TBC1D5: variants seen among roughly 807,000 people sequenced by gnomAD.
The protein encoded by TBC1D5 is TBC1 domain family, member 5.
In TBC1D5, 75 loss-of-function variants were observed where a neutral mutation model predicts 100.3. That is an observed-to-expected ratio of 0.75 (90% CI 0.62 to 0.91). The LOEUF is 0.91. TBC1D5 is among the 40% of genes least tolerant of loss of function. The pLI is 0.00. For synonymous variants in TBC1D5, 323 were observed against 325.6 expected, an observed-to-expected ratio of 0.99 and a Z score of 0.09; for missense variants, 910 against 942.4, an observed-to-expected ratio of 0.97 and a Z score of 0.45.
intron 3 of TBC1D5, among the ~76,000 whole-genome samples, chr3:17,489,258 T>A (rs2095609052): frequency 6.6e-6 from 1 of 152,130 alleles, no homozygotes; most frequent in Non-Finnish European, 1.5e-5. Flanking sequence ...TACCTAATTT[T>A]CTACTACTGC....
intron 1 of TBC1D5, among the ~76,000 whole-genome samples, chr3:17,706,797 A>C (rs936887282): frequency 6.6e-6 from 1 of 151,922 alleles, no homozygotes; most frequent in Non-Finnish European, 1.5e-5. Context: ...AGCCATTCTC[A>C]TAATTTGTAT....
chr3:17,701,477 A>G (rs2073192391), intron 1 of TBC1D5, among the ~76,000 whole-genome samples: 1 of 152,130 alleles, frequency 6.6e-6, no homozygotes, highest in African/African-American at 2.4e-5. Context: ...AAGTATAATA[A>G]TAATAAAAAA....
At chr3:17,604,908 T>G (rs1196921781) in intron 2 of TBC1D5, among the ~76,000 whole-genome samples, 1 of 152,186 alleles carries the variant, frequency 6.6e-6, no homozygotes, top group Non-Finnish European at 1.5e-5. Context: ...ACTCCGGGCC[T>G]CAAGCGATCC....
At position 17,297,582 on chromosome 3, in the gene TBC1D5, A is replaced by G. The variant is rs564719408; in HGVS notation, c.1139-5581T>C. Among the ~76,000 whole-genome samples the G allele has an allele frequency of 5.9e-5, 9 of 151,976 alleles. No individual in the cohort carries two copies. In the South Asian group the frequency reaches 1.0e-3, roughly 18 times the overall value. On this transcript the variant is annotated intron_variant, in intron 14 of 21. Transcript: ENST00000253692. ...CAGAGCGAGACTCCTAAAAAAAAAA[A>G]AAAAAATTTCTTTTTTGGAGACACA...
At chr3:17,575,711 G>T (rs1226621976) in intron 2 of TBC1D5, among the ~76,000 whole-genome samples, 1 of 152,046 alleles carries the variant, frequency 6.6e-6, no homozygotes, top group Non-Finnish European at 1.5e-5. Flanking sequence ...TTCTTGCAAG[G>T]TCTGTACTCA....
intron 1 of TBC1D5, among the ~76,000 whole-genome samples, chr3:17,627,043 T>C: frequency 6.6e-6 from 1 of 152,130 alleles, no homozygotes; most frequent in East Asian, 1.9e-4. Flanking sequence ...GGGTACAAAT[T>C]AAGAGACTTC....
At chr3:17,424,243 T>G (rs2094285966) in intron 4 of TBC1D5, among the ~76,000 whole-genome samples, 1 of 152,216 alleles carries the variant, frequency 6.6e-6, no homozygotes, top group African/African-American at 2.4e-5. Flanking sequence ...AAGCAGCTGG[T>G]ACTACAGCTA....
chr3:17,546,795 A>AAAAGAAAG (rs528872276), intron 2 of TBC1D5, among the ~76,000 whole-genome samples: 1 of 152,002 alleles, frequency 6.6e-6, no homozygotes, highest in East Asian at 1.9e-4. Flanking sequence ...AAAAAAAAAA[A>AAAAGAAAG]AAAGAAAGAA....
chr3:17,453,308 G>A (rs1251985777), intron 3 of TBC1D5, among the ~76,000 whole-genome samples: 1 of 150,810 alleles, frequency 6.6e-6, no homozygotes, highest in South Asian at 2.1e-4. Flanking sequence ...AAGAAATAAT[G>A]AAGATCAGAT....
intron 2 of TBC1D5, among the ~76,000 whole-genome samples, chr3:17,608,854 A>G (rs1447930693): frequency 6.6e-6 from 1 of 152,180 alleles, no homozygotes; most frequent in African/African-American, 2.4e-5. Flanking sequence ...CCAGTCACAA[A>G]TCATTATTCT....
intron 13 of TBC1D5, among the ~76,000 whole-genome samples, chr3:17,320,009 T>C (rs2085198133): frequency 6.6e-6 from 1 of 152,242 alleles, no homozygotes; most frequent in African/African-American, 2.4e-5. Context: ...TAGTATTCCA[T>C]AAGTGGATGT....
At position 17,303,641 on chromosome 3, in the gene TBC1D5, T is replaced by G. The variant is rs1372685403; in HGVS notation, c.1138+4351A>C. On this transcript the variant is annotated intron_variant, in intron 14 of 21. Coordinates refer to ENST00000253692, the Ensembl canonical transcript of TBC1D5. Reference sequence around the variant, plus strand: ...CTTTATGTCGGACCACAACTTTGTATGCATTTAGCTTTCTCATGCTCTACC... The same window carrying G: ...CTTTATGTCGGACCACAACTTTGTAGGCATTTAGCTTTCTCATGCTCTACC... 2.0e-5 allele frequency among the ~76,000 whole-genome samples: 3 copies of G among 152,314 alleles called. No individual in the cohort carries two copies. In the East Asian group the frequency reaches 5.8e-4, roughly 29 times the overall value.
At chr3:17,291,645 CA>C (rs2081752817) in intron 15 of TBC1D5, among the ~76,000 whole-genome samples, 1 of 152,130 alleles carries the variant, frequency 6.6e-6, no homozygotes, top group African/African-American at 2.4e-5. Flanking sequence ...AAGGGAAAAG[CA>C]TAGAATAACC....
At chr3:17,459,850 A>T (rs994414617) in intron 3 of TBC1D5, among the ~76,000 whole-genome samples, 2 of 152,246 alleles carry the variant, frequency 1.3e-5, no homozygotes, top group African/African-American at 4.8e-5. Flanking sequence ...AGAAAAACAT[A>T]GGGTTTTCCT....
chr3:17,508,340 T>C, intron 3 of TBC1D5, 134 bp downstream of exon 3: 2 of 642,414 alleles, frequency 3.1e-6, no homozygotes, highest in Non-Finnish European at 5.6e-6. Flanking sequence ...ATATCCAGAA[T>C]AACATACTTA....
chr3:17,520,135 A>C lies in TBC1D5; in HGVS notation c.-35-11530T>G, dbSNP rs866496894. On this transcript the variant is annotated intron_variant, in intron 2 of 21. Coordinates refer to ENST00000253692, the Ensembl canonical transcript of TBC1D5. ...CCACAAAACCAAAATCCTTTTTGAA[A>C]TGTCAGCCTTGAACATCATAAAATT... Among the ~76,000 whole-genome samples the C allele has an allele frequency of 2.6e-5, 4 of 152,348 alleles. No individual in the cohort carries two copies. In the South Asian group the frequency reaches 6.2e-4, roughly 24 times the overall value.
intron 1 of TBC1D5, among the ~76,000 whole-genome samples, chr3:17,697,253 A>T (rs1577563735): frequency 6.6e-6 from 1 of 152,356 alleles, no homozygotes; most frequent in Non-Finnish European, 1.5e-5. Flanking sequence ...AGTTCTGGCC[A>T]GGGCAATCAG....
chr3:17,471,321 A>G (rs1471300688), intron 3 of TBC1D5, among the ~76,000 whole-genome samples: 1 of 152,238 alleles, frequency 6.6e-6, no homozygotes, highest in African/African-American at 2.4e-5. Context: ...TAGCAGGATT[A>G]AAATCTAAGA....
Position 17,277,706 on chromosome 3 carries a change from T to C in TBC1D5, c.1245+14189A>G, listed in dbSNP as rs183520072. ...GTGGTCGTTCAGAACTGGGAAGAAA[T>C]AGTGTGTGGGAGTAATAAGAACATT... On this transcript the variant is annotated intron_variant, in intron 15 of 21. Transcript: ENST00000253692. Among the ~76,000 whole-genome samples the C allele has an allele frequency of 5.9e-5, 9 of 152,116 alleles. No individual in the cohort carries two copies. In the East Asian group the frequency reaches 7.7e-4, roughly 13 times the overall value.
Sources: gnomAD v4.1 joint callset for allele counts (sites outside exome capture counted in the v4.1 genomes callset) on GRCh38, gnomAD v4.1.1 for gene constraint, MANE v1.5 for transcripts, NCBI Gene and HGNC (gene_info 2026-07-23, HGNC 2026-07-21) for gene names.